CRB1: variants seen among roughly 807,000 people sequenced by gnomAD.
CRB1 encodes the protein protein crumbs homolog 1.
Under a neutral mutation model 120.0 loss-of-function variants are expected in CRB1, and 83 were observed. The observed-to-expected ratio is 0.69, with a 90% confidence interval of 0.58 to 0.83. The LOEUF (loss-of-function observed/expected upper bound fraction) is 0.83. Ranked by LOEUF, CRB1 falls within the 40% of genes least tolerant of loss-of-function variation. The probability of loss-of-function intolerance (pLI) is 0.00; values close to 1 mark genes in which losing one functional copy is unlikely to be tolerated. For missense variants in CRB1, 1,699 were observed against 1,687.6 expected, an observed-to-expected ratio of 1.01 and a Z score of -0.12; for synonymous variants, 625 against 612.5, an observed-to-expected ratio of 1.02 and a Z score of -0.30.
chr1:197,350,988 T>C (rs1660059057), intron 4 of CRB1, among the ~76,000 whole-genome samples: 2 of 151,778 alleles, frequency 1.3e-5, no homozygotes, highest in South Asian at 4.1e-4. Context: ...ATTTAATAAA[T>C]GAAGAACGGA....
At chr1:197,389,407 T>G (rs1448166959) in intron 5 of CRB1, among the ~76,000 whole-genome samples, 1 of 152,054 alleles carries the variant, frequency 6.6e-6, no homozygotes, top group Non-Finnish European at 1.5e-5. Flanking sequence ...AGATGAACCT[T>G]GAGGAAATAT....
chr1:197,454,422 C>A (rs1394540478), intron 11 of CRB1, among the ~76,000 whole-genome samples: 1 of 152,094 alleles, frequency 6.6e-6, no homozygotes, highest in African/African-American at 2.4e-5. Context: ...TTCATCTTTT[C>A]ATACATTATT....
intron 11 of CRB1, among the ~76,000 whole-genome samples, chr1:197,458,437 G>A (rs1164177010): frequency 6.6e-6 from 1 of 151,998 alleles, no homozygotes; most frequent in Non-Finnish European, 1.5e-5. Context: ...AAATTCAGTT[G>A]AGCCTGAAGG....
chr1:197,348,460 ATTAT>A (rs1423822778), intron 4 of CRB1, among the ~76,000 whole-genome samples: 1 of 152,070 alleles, frequency 6.6e-6, no homozygotes, highest in Non-Finnish European at 1.5e-5. Flanking sequence ...ATGTAAAGAA[ATTAT>A]TTATTGTTTA....
At chr1:197,202,455 T>G in the CRB1 span, among the ~76,000 whole-genome samples, 1 of 152,144 alleles carries the variant, frequency 6.6e-6, no homozygotes, top group Non-Finnish European at 1.5e-5. Flanking sequence ...GATGGTAGTC[T>G]GCAGATATTG....
intron 11 of CRB1, chr1:197,477,457 G>A (rs890666254): frequency 3.0e-6 from 2 of 672,760 alleles, no homozygotes; most frequent in East Asian, 3.0e-5. Context: ...TTTTCTGACT[G>A]TAGACTTTAG....
chr1:197,356,782 T>C (rs755948853), intron 4 of CRB1, 49 bp from the exon 5 acceptor site: 9 of 1,598,464 alleles, frequency 5.6e-6, no homozygotes, highest in Non-Finnish European at 7.7e-6. Flanking sequence ...AAATGCTCTA[T>C]AATTCAACAC....
At chr1:197,240,281 C>T in the CRB1 span, among the ~76,000 whole-genome samples, 13 of 152,032 alleles carry the variant, frequency 8.6e-5, no homozygotes, top group Non-Finnish European at 1.3e-4. Flanking sequence ...AGGTTTCCTA[C>T]GTAAGTATAC....
the CRB1 span, chr1:197,222,900 G>C: frequency 1.7e-6 from 2 of 1,210,572 alleles, no homozygotes; most frequent in African/African-American, 3.0e-5. Flanking sequence ...GGAAGACTCT[G>C]AACAATTCAT....
At chr1:197,375,773 AT>A (rs1661614617) in intron 5 of CRB1, among the ~76,000 whole-genome samples, 2 of 152,120 alleles carry the variant, frequency 1.3e-5, no homozygotes, top group African/African-American at 4.8e-5. Flanking sequence ...TCTATTCTAA[AT>A]CATTCTAATT....
the CRB1 span, among the ~76,000 whole-genome samples, chr1:197,252,582 A>ATATATATATATGTGTGTGTGTG: frequency 2.6e-4 from 4 of 15,504 alleles, no homozygotes; most frequent in Non-Finnish European, 4.2e-4. Context: ...ATATATATAT[A>ATATATATATATGTGTGTGTGTG]TGTGTGTGTG....
chr1:197,421,348 T>C lies in CRB1; in HGVS notation c.1520T>C (p.Val507Ala), dbSNP rs917528638. Residue 507 changes from valine (V) to alanine (A), a missense_variant, in exon 6 of 12, where the codon GTT becomes GCT. By Grantham distance (64) the Val-to-Ala change is moderately conservative. Coordinates refer to ENST00000367400, the MANE Select transcript of CRB1 (RefSeq NM_201253.3). Reference protein sequence around the residue: ...KSGSVTTKGSVCNIALRFQTV... With the variant: ...KSGSVTTKGSACNIALRFQTV... The stretch of plus-strand genomic sequence containing the variant: ...GGCTCAGTGACAACCAAGGGCTCAG[T>C]TTGTAACATAGCCCTCAGGTTTCAG... 1.2e-6 allele frequency: 2 copies of C among 1,614,096 alleles called. No individual in the cohort carries two copies. The highest frequency in any genetic ancestry group is 2.7e-5 in the African/African-American group (2 of 74,936).
chr1:197,269,614 A>G (rs890305930), intron 1 of CRB1, among the ~76,000 whole-genome samples: 1 of 152,102 alleles, frequency 6.6e-6, no homozygotes, highest in Non-Finnish European at 1.5e-5. Context: ...AGGAATGAGG[A>G]AGAGAAGTGC....
rs564754426 is a variant in CRB1 at position 197,435,035 on chromosome 1, G to A, written c.3172G>A (p.Glu1058Lys). The change falls in exon 9 of 12, where the codon GAA (glutamate) becomes AAA (lysine). Residue 1058 changes from glutamate to lysine, a missense_variant. Coordinates refer to ENST00000367400, the MANE Select transcript of CRB1 (RefSeq NM_201253.3). ...CAGGTGGCAAATGGAAGTGGACAACGAAACACCTTTTGTGACCAGCACAAT... is the reference window on the plus strand; with the variant it reads ...CAGGTGGCAAATGGAAGTGGACAACAAAACACCTTTTGTGACCAGCACAAT... ...TSRWQMEVDN[E>K]TPFVTSTIAT... 12 of 1,613,900 alleles carry A rather than the reference G, an allele frequency of 7.4e-6. 1 individual carries two copies. The South Asian group carries it at 8.8e-5, about 12-fold the overall frequency.
At chr1:197,351,831 C>T (rs942093956) in intron 4 of CRB1, among the ~76,000 whole-genome samples, 2 of 152,140 alleles carry the variant, frequency 1.3e-5, no homozygotes, top group Admixed American at 6.5e-5. Flanking sequence ...CCTTGGGTTA[C>T]TGCATGGATG....
chr1:197,333,848 G>A (rs941210417), intron 2 of CRB1, among the ~76,000 whole-genome samples: 3 of 152,180 alleles, frequency 2.0e-5, no homozygotes, highest in African/African-American at 7.2e-5. Context: ...GAGTGGCCAT[G>A]GGCATGAAAG....
chr1:197,252,572 A>ATG, the CRB1 span, among the ~76,000 whole-genome samples: 26 of 48,578 alleles, frequency 5.4e-4, no homozygotes, highest in African/African-American at 1.4e-3. Context: ...ATATATATAT[A>ATG]TATATATATA....
chr1:197,474,911 C>T (rs1667135075), intron 11 of CRB1, among the ~76,000 whole-genome samples: 1 of 152,160 alleles, frequency 6.6e-6, no homozygotes, highest in Non-Finnish European at 1.5e-5. Flanking sequence ...TCTTCTGTGT[C>T]CCAGCCTTTT....
chr1:197,253,059 A>G, the CRB1 span, among the ~76,000 whole-genome samples: 1 of 152,042 alleles, frequency 6.6e-6, no homozygotes, highest in East Asian at 1.9e-4. Flanking sequence ...GACACATGAA[A>G]TTAACCATCA....
Sources: allele counts gnomAD v4.1 joint callset (sites outside exome capture counted in the v4.1 genomes callset), GRCh38; gene constraint gnomAD v4.1.1; transcripts MANE v1.5; gene names NCBI Gene and HGNC (gene_info 2026-07-23, HGNC 2026-07-21).